Variants in CNOT6 observed in about 807,000 individuals in gnomAD.
The protein encoded by CNOT6 is carbon catabolite repression 4 protein.
CNOT6 carries 12 observed loss-of-function variants against 61.2 expected under a neutral mutation model. That is an observed-to-expected ratio of 0.20 (90% confidence interval 0.13 to 0.32). CNOT6 has a LOEUF of 0.32. CNOT6 is among the 10% of genes least tolerant of loss of function. CNOT6 has a pLI of 1.00. For missense variants in CNOT6, 405 were observed against 663.9 expected, an observed-to-expected ratio of 0.61 and a Z score of 4.28; for synonymous variants, 225 against 240.6, an observed-to-expected ratio of 0.94 and a Z score of 0.60.
At chr5:180,570,252 G>T (rs578127186) in intron 10 of CNOT6, among the ~76,000 whole-genome samples, 45 of 152,284 alleles carry the variant, frequency 3.0e-4, no homozygotes, top group Admixed American at 6.5e-4. Flanking sequence ...CAGCTACTCG[G>T]GAGGCTGAGG....
intron 10 of CNOT6, among the ~76,000 whole-genome samples, chr5:180,570,430 A>G (rs1012471287): frequency 2.0e-5 from 3 of 152,186 alleles, no homozygotes; most frequent in Non-Finnish European, 2.9e-5. Context: ...AATCAAAGCT[A>G]TCTGAAATCT....
chr5:180,560,135 C>T (rs749310548), intron 4 of CNOT6, among the ~76,000 whole-genome samples: 2 of 151,818 alleles, frequency 1.3e-5, no homozygotes, highest in East Asian at 1.9e-4. Flanking sequence ...TTAATAGAGA[C>T]GAGGTTTCAC....
chr5:180,494,543 G>GGGCGTAGTGGCGGCCC lies in CNOT6; in HGVS notation c.-221_-206dup, dbSNP rs1756497514. ...GAGGCCGGGGGCCGAGAGGGCGGGA[G>GGGCGTAGTGGCGGCCC]GGCGTAGTGGCGGCCCGTCGGGGCG... On this transcript the variant is annotated 5_prime_UTR_variant, in exon 1 of 12. Coordinates refer to ENST00000261951, the MANE Select transcript of CNOT6 (RefSeq NM_001370472.1). The GGGCGTAGTGGCGGCCC allele has an allele frequency of 6.5e-6, 1 of 153,172 alleles. No homozygotes were observed. The highest frequency in any genetic ancestry group is 6.6e-5 in the Admixed American group (1 of 15,218). 9.5% of individuals were successfully genotyped at this position (153,172 alleles called of 1,614,324 possible).
intron 8 of CNOT6, 91 bp from the exon 9 acceptor site, chr5:180,567,758 A>T: frequency 6.4e-7 from 1 of 1,568,742 alleles, no homozygotes. Context: ...CGTATCTGTT[A>T]AGGAAGTTTG....
At chr5:180,532,752 AG>A (rs1758457453) in intron 2 of CNOT6, among the ~76,000 whole-genome samples, 1 of 152,190 alleles carries the variant, frequency 6.6e-6, no homozygotes, top group African/African-American at 2.4e-5. Flanking sequence ...AGCTTTGACC[AG>A]CTTCAGGTTG....
chr5:180,505,547 ATTT>A (rs386405833), intron 1 of CNOT6, among the ~76,000 whole-genome samples: 3 of 85,718 alleles, frequency 3.5e-5, no homozygotes, highest in African/African-American at 1.0e-4. Flanking sequence ...GTACTAGTTA[ATTT>A]TTTTTTTTTT....
rs1427465583 is a variant in CNOT6 at position 180,571,276 on chromosome 5, A to G, written c.1305A>G (p.Lys435=). ...LSTGGVETNH[K]DFKELRYNES... ...CAGGTGGAGTAGAAACAAATCACAA[A>G]GACTTTAAGGAGTTGAGGTATAATG... is the stretch of plus-strand genomic sequence containing the variant. Residue 435 remains lysine, a synonymous_variant, in exon 11 of 12, where the codon AAA becomes AAG. Transcript: ENST00000261951. 17 of 1,614,214 alleles carry G rather than the reference A, an allele frequency of 1.1e-5. No individual in the cohort carries two copies. Among genetic ancestry groups the G allele is most frequent in the Non-Finnish European group, 1.3e-5 (15 of 1,180,012 alleles).
At chr5:180,535,932 G>T (rs1360002765) in intron 2 of CNOT6, among the ~76,000 whole-genome samples, 1 of 135,226 alleles carries the variant, frequency 7.4e-6, no homozygotes, top group Non-Finnish European at 1.6e-5. Flanking sequence ...TTTCGTATTT[G>T]TTGGCAATTT....
chr5:180,528,280 C>T (rs1758192130), intron 1 of CNOT6, among the ~76,000 whole-genome samples: 1 of 152,144 alleles, frequency 6.6e-6, no homozygotes, highest in Non-Finnish European at 1.5e-5. Context: ...GCCAGAAATG[C>T]AGGATAAATG....
At chr5:180,573,795 C>G (rs532962692) in intron 11 of CNOT6, among the ~76,000 whole-genome samples, 193 bp from the exon 12 acceptor site, 3 of 152,070 alleles carry the variant, frequency 2.0e-5, no homozygotes, top group Non-Finnish European at 4.4e-5. Flanking sequence ...AAGAAGAATG[C>G]TTCATTCTGC....
At chr5:180,515,458 A>G (rs1757590715) in intron 1 of CNOT6, among the ~76,000 whole-genome samples, 1 of 152,110 alleles carries the variant, frequency 6.6e-6, no homozygotes, top group African/African-American at 2.4e-5. Context: ...GAAAATAGTT[A>G]GCTAAGTTGA....
Position 180,576,723 on chromosome 5 carries a change from T to C in CNOT6, c.*2523T>C, listed in dbSNP as rs1032875621. ...ACACCAAAATAGACTATGATGCTTT[T>C]GTTAAGAAAGGTTTCATGTTTTAGA... On this transcript the variant is annotated 3_prime_UTR_variant, in exon 12 of 12. Transcript: ENST00000261951. 6.6e-6 allele frequency: 1 copy of C among 152,220 alleles called. No individual in the cohort carries two copies. Among genetic ancestry groups the C allele is most frequent in the Non-Finnish European group, 1.5e-5 (1 of 68,034 alleles). 9.4% of individuals were successfully genotyped at this position (152,220 alleles called of 1,614,324 possible).
intron 9 of CNOT6, 35 bp from the exon 10 acceptor site, chr5:180,569,075 T>A: frequency 6.5e-7 from 1 of 1,526,918 alleles, no homozygotes; most frequent in Non-Finnish European, 9.0e-7. Context: ...GGGCGGGTTT[T>A]GTCTCTTTCT....
intron 1 of CNOT6, among the ~76,000 whole-genome samples, chr5:180,523,200 G>T (rs1757950903): frequency 6.6e-6 from 1 of 152,224 alleles, no homozygotes; most frequent in South Asian, 2.1e-4. Flanking sequence ...TGTGTTAAGT[G>T]TGAGCATAGA....
chr5:180,575,891 T>C lies in CNOT6; in HGVS notation c.*1691T>C, dbSNP rs933768005. The C allele has an allele frequency of 6.9e-5, 10 of 145,080 alleles. No homozygotes were observed. Among genetic ancestry groups the C allele is most frequent in the Non-Finnish European group, 1.4e-4 (9 of 64,394 alleles). 9.0% of individuals were successfully genotyped at this position (145,080 alleles called of 1,614,324 possible). A position where few individuals can be genotyped will look rare whatever the true frequency, so the allele number is the denominator to read the frequency against. ...TGAGTCATTTTGGAAATGATTCTTA[T>C]GTTTTTTTTTTTTCTCCTTTTAGAA... On this transcript the variant is annotated 3_prime_UTR_variant, in exon 12 of 12. Coordinates refer to ENST00000261951, the MANE Select transcript of CNOT6 (RefSeq NM_001370472.1).
chr5:180,570,640 A>G (rs36021424), intron 10 of CNOT6, among the ~76,000 whole-genome samples: 25,481 of 152,272 alleles, frequency 0.17, 2,245 homozygotes, highest in Non-Finnish European at 0.19. Flanking sequence ...AATAGCAGGC[A>G]GGTCAGAAAA....
At position 180,576,929 on chromosome 5, in the gene CNOT6, A is replaced by T. The variant is rs575736087; in HGVS notation, c.*2729A>T. On this transcript the variant is annotated 3_prime_UTR_variant, in exon 12 of 12. Coordinates refer to ENST00000261951, the MANE Select transcript of CNOT6 (RefSeq NM_001370472.1). Reference sequence around the variant, plus strand: ...AATCCATTTTAGAAATGTCTTACAAAAAGTTTAGGGCATGTTTTCTGTTTT... The same window carrying T: ...AATCCATTTTAGAAATGTCTTACAATAAGTTTAGGGCATGTTTTCTGTTTT... 21 of 152,324 alleles carry T rather than the reference A, an allele frequency of 1.4e-4. No individual in the cohort carries two copies. Among genetic ancestry groups the T allele is most frequent in the Non-Finnish European group, 2.6e-4 (18 of 68,018 alleles). The allele number at this position is 152,324 out of a possible 1,614,324, so 9.4% of individuals were successfully genotyped here.
At chr5:180,510,474 A>G (rs7705421) in intron 1 of CNOT6, among the ~76,000 whole-genome samples, 69,461 of 151,884 alleles carry the variant, frequency 0.46, 17,109 homozygotes, top group Non-Finnish European at 0.56. Context: ...GTCTAATGGA[A>G]CTAAGTGGGT....
intron 2 of CNOT6, among the ~76,000 whole-genome samples, chr5:180,531,984 G>A (rs11744428): frequency 0.27 from 41,371 of 152,148 alleles, 6,213 homozygotes; most frequent in Middle Eastern, 0.41. Context: ...GAGGGAGACC[G>A]GGGAGAGGGA....
Sources: gnomAD v4.1 joint callset for allele counts (sites outside exome capture counted in the v4.1 genomes callset) on GRCh38, gnomAD v4.1.1 for gene constraint, MANE v1.5 for transcripts, NCBI Gene and HGNC (gene_info 2026-07-23, HGNC 2026-07-21) for gene names.